Variants in TFAP2C observed in about 807,000 individuals in gnomAD.
TFAP2C encodes transcription factor AP-2 gamma, also known as activating enhancer-binding protein 2 gamma.
TFAP2C carries 9 observed loss-of-function variants against 42.9 expected under a neutral mutation model. That is an observed-to-expected ratio of 0.21 (90% CI 0.13 to 0.37). The LOEUF is 0.37. Ranked by LOEUF, TFAP2C falls within the 10% of genes least tolerant of loss-of-function variation. The pLI is 1.00. For synonymous variants in TFAP2C, 264 were observed against 256.0 expected (o/e 1.03, Z -0.30); for missense variants, 462 against 591.7 (o/e 0.78, Z 2.27).
Position 56,638,658 on chromosome 20 carries a change from C to CT in TFAP2C, c.*645_*646insT, listed in dbSNP as rs1600900688. ...GAAGCCTGCTGATTGATTTTTTTCT[C>CT]CTTTTTTTTTTTTTTTTTTTTTAAC... On this transcript the variant is annotated 3_prime_UTR_variant, in exon 7 of 7. Transcript: ENST00000201031. 1 of 136,478 alleles carries CT rather than the reference C, an allele frequency of 7.3e-6. No homozygotes were observed. The highest frequency in any genetic ancestry group is 2.3e-4 in the East Asian group (1 of 4,324). The allele number at this position is 136,478 out of a possible 1,614,324, so 8.5% of individuals were successfully genotyped here.
intron 5 of TFAP2C, among the ~76,000 whole-genome samples, chr20:56,636,157 A>G (rs1987579035): frequency 6.6e-6 from 1 of 152,140 alleles, no homozygotes; most frequent in African/African-American, 2.4e-5. Context: ...AATCCCTAGA[A>G]AGTTCTACCT....
At chr20:56,635,892 A>G (rs1987574395) in intron 5 of TFAP2C, among the ~76,000 whole-genome samples, 2 of 152,218 alleles carry the variant, frequency 1.3e-5, no homozygotes, top group African/African-American at 2.4e-5. Flanking sequence ...ACCTAATACT[A>G]TGTAAATGCT....
In TFAP2C at chr20:56,633,472, T is replaced by A; in HGVS notation, c.706T>A (p.Ser236Thr). 1 of 1,614,112 alleles carries A rather than the reference T, an allele frequency of 6.2e-7. No homozygotes were observed. Among genetic ancestry groups the A allele is most frequent in the Non-Finnish European group, 8.5e-7 (1 of 1,180,026 alleles). ...SVPGRLSLLS[S>T]TSKYKVTVAE... ...CCCTGGAAGATTGTCGCTCCTCAGC[T>A]CTACGTCTAAATACAAAGTGACAGT... Residue 236 changes from serine (S) to threonine (T), a missense_variant, in exon 4 of 7, where the codon TCT becomes ACT. Transcript: ENST00000201031.
rs748690958 is a variant in TFAP2C at position 56,634,258 on chromosome 20, C to T, written c.912C>T (p.Ser304=). 7 of 1,611,258 alleles carry T rather than the reference C, an allele frequency of 4.3e-6. No homozygotes were observed. In the South Asian group the frequency reaches 7.7e-5, roughly 18 times the overall value. The stretch of plus-strand genomic sequence containing the variant: ...CCGCTCATGTGACTCTCCTGACATC[C>T]TTAGTAGAAGGTCAGTGGGGTTTTG... The part of the protein sequence containing the change: ...RKAAHVTLLT[S]LVEGEAVHLA... The change falls in exon 5 of 7, where the codon TCC becomes TCT. Residue 304 remains serine, a synonymous_variant. Transcript: ENST00000201031.
At chr20:56,632,349 A>G (rs1251801161) in intron 3 of TFAP2C, among the ~76,000 whole-genome samples, 1 of 152,214 alleles carries the variant, frequency 6.6e-6, no homozygotes, top group African/African-American at 2.4e-5. Flanking sequence ...AATACCTGTA[A>G]AAGGAACAGA....
chr20:56,635,494 ATCCC>A (rs1207912598), intron 5 of TFAP2C, among the ~76,000 whole-genome samples: 2 of 152,096 alleles, frequency 1.3e-5, no homozygotes, highest in East Asian at 3.9e-4. Context: ...TAGGAGAAAC[ATCCC>A]TCCCATCTTT....
chr20:56,638,264 CTT>C lies in TFAP2C; in HGVS notation c.*261_*262del, dbSNP rs112295160. ...AAGTACTGGCTCTTTATTCATTAAG[CTT>C]TTTTTTTTTGAACCCCATTCTTTCC... On this transcript the variant is annotated 3_prime_UTR_variant, in exon 7 of 7. Transcript: ENST00000201031. 274 of 354,450 alleles carry C rather than the reference CTT, an allele frequency of 7.7e-4. No individual in the cohort carries two copies. Among genetic ancestry groups the C allele is most frequent in the South Asian group, 1.2e-3 (18 of 14,462 alleles). 22.0% of individuals were successfully genotyped at this position (354,450 alleles called of 1,614,324 possible). A position where few individuals can be genotyped will look rare whatever the true frequency, so the allele number is the denominator to read the frequency against.
rs766953569 is a variant in TFAP2C, at chr20:56,631,731, A to G, written c.534+41A>G. ...GCTCCTGACCGGACCTGTTCACCCTACGGCCTTCTGCCCCCACCCCGCACT... is the reference window on the plus strand; with the variant it reads ...GCTCCTGACCGGACCTGTTCACCCTGCGGCCTTCTGCCCCCACCCCGCACT... On this transcript the variant is annotated intron_variant, in intron 2 of 6. Transcript: ENST00000201031. This position sits in a 1 kb window ranked among gnomAD's most constrained non-coding sequence, Gnocchi z 6.1. 3.7e-6 allele frequency: 6 copies of G among 1,611,002 alleles called. No individual in the cohort carries two copies. In the Admixed American group the frequency reaches 8.4e-5, roughly 22 times the overall value.
At chr20:56,636,790 T>C in intron 6 of TFAP2C, 36 bp downstream of exon 6, 1 of 1,594,610 alleles carries the variant, frequency 6.3e-7, no homozygotes, top group Non-Finnish European at 8.5e-7. Flanking sequence ...GATGACTCAA[T>C]GCTCTAGACC....
rs531874315 is a variant in TFAP2C, at chr20:56,638,777, C to T, written c.*764C>T. On this transcript the variant is annotated 3_prime_UTR_variant, in exon 7 of 7. Coordinates refer to ENST00000201031, the MANE Select transcript of TFAP2C (RefSeq NM_003222.4). ...ATTTGCATATTTATTTCAGATGTTT[C>T]GAGTAAACTTGAAAAGGGTAGGCAC... 2 of 147,444 alleles carry T rather than the reference C, an allele frequency of 1.4e-5. No individual in the cohort carries two copies. Among genetic ancestry groups the T allele is most frequent in the East Asian group, 2.0e-4 (1 of 4,932 alleles). 9.1% of individuals were successfully genotyped at this position (147,444 alleles called of 1,614,324 possible).
rs759209423 is a variant in TFAP2C, at chr20:56,631,303, T to G, written c.147T>G (p.Thr49=). ...GCCCCGCGCCACCCCTCTCCCACAC[T>G]GGAGTCGCCGAATATCAGCCGCCAC... The part of the protein sequence containing the change: ...LYSPAPPLSH[T]GVAEYQPPPY... The change falls in exon 2 of 7, where the codon ACT becomes ACG. Residue 49 remains threonine, a synonymous_variant. Transcript: ENST00000201031. The surrounding 1 kb of genome is among the most constrained non-coding windows in gnomAD (Gnocchi z 6.1). 7.5e-6 allele frequency: 12 copies of G among 1,607,248 alleles called. No individual in the cohort carries two copies. The highest frequency in any genetic ancestry group is 1.6e-4 in the Middle Eastern group (1 of 6,066).
At position 56,629,684 on chromosome 20, in the gene TFAP2C, G is replaced by C; in HGVS notation, c.48+92G>C. ...ACCGAGGTCGGGGACGAGGGCATAG[G>C]AGCCCTGGCCTCTCGGTGGGACGGG... On this transcript the variant is annotated intron_variant, in intron 1 of 6. Transcript: ENST00000201031. This position sits in a 1 kb window ranked among gnomAD's most constrained non-coding sequence, Gnocchi z 5.9. 9.8e-7 allele frequency: 1 copy of C among 1,024,384 alleles called. No homozygotes were observed. The highest frequency in any genetic ancestry group is 1.3e-6 in the Non-Finnish European group (1 of 763,392). 63.5% of individuals were successfully genotyped at this position (1,024,384 alleles called of 1,614,324 possible). A position where few individuals can be genotyped will look rare whatever the true frequency, so the allele number is the denominator to read the frequency against.
intron 6 of TFAP2C, among the ~76,000 whole-genome samples, 171 bp from the exon 7 acceptor site, chr20:56,637,557 C>G (rs1042590644): frequency 6.6e-6 from 1 of 152,200 alleles, no homozygotes; most frequent in Admixed American, 6.5e-5. Context: ...CAGAGCCTGG[C>G]GCAGAATAGT....
chr20:56,637,921 A>G lies in TFAP2C; in HGVS notation c.1261A>G (p.Ile421Val). ...ALQNYIKEAL[I>V]VIDKSYMNPG... ...GCAGAACTACATCAAAGAAGCCCTG[A>G]TTGTCATAGACAAATCCTACATGAA... The change falls in exon 7 of 7, where the codon ATT becomes GTT. Residue 421 changes from isoleucine (I) to valine (V), a missense_variant. This residue lies in a region of TFAP2C where 130 missense variants were observed against 160.8 expected (regional missense o/e 0.81). Coordinates refer to ENST00000201031, the MANE Select transcript of TFAP2C (RefSeq NM_003222.4). The G allele has an allele frequency of 6.2e-7, 1 of 1,612,766 alleles. No individual in the cohort carries two copies. Among genetic ancestry groups the G allele is most frequent in the Non-Finnish European group, 8.5e-7 (1 of 1,178,718 alleles).
At chr20:56,633,143 G>A (rs903008643) in intron 3 of TFAP2C, among the ~76,000 whole-genome samples, 5 of 151,624 alleles carry the variant, frequency 3.3e-5, no homozygotes, top group Admixed American at 6.6e-5. Flanking sequence ...GCTGCAGTGA[G>A]CAGAGATCAC....
chr20:56,630,708 C>G lies in TFAP2C; in HGVS notation c.49-497C>G, dbSNP rs945700531. The G allele has an allele frequency of 1.0e-6, 1 of 985,344 alleles. No individual in the cohort carries two copies. Among genetic ancestry groups the G allele is most frequent in the Non-Finnish European group, 1.2e-6 (1 of 829,878 alleles). The allele number at this position is 985,344 out of a possible 1,614,324, so 61.0% of individuals were successfully genotyped here. On this transcript the variant is annotated intron_variant, in intron 1 of 6. Transcript: ENST00000201031. The surrounding 1 kb of genome is among the most constrained non-coding windows in gnomAD (Gnocchi z 5.1). ...CCCGAGGGCGTGGAAGGGAGGGTCC[C>G]GGGGGCGGGGGAGGTGCGCATTTCC...
rs1987474625 is a variant in TFAP2C at position 56,630,840 on chromosome 20, C to T, written c.49-365C>T. On this transcript the variant is annotated intron_variant, in intron 1 of 6. Coordinates refer to ENST00000201031, the MANE Select transcript of TFAP2C (RefSeq NM_003222.4). This position sits in a 1 kb window ranked among gnomAD's most constrained non-coding sequence, Gnocchi z 5.1. ...CTGCACCGGGCGTCCGGCTCCTTCG[C>T]CCCGGGCTCTGGCTCCTTCGCCCCG... 1 of 984,196 alleles carries T rather than the reference C, an allele frequency of 1.0e-6. No homozygotes were observed. Among genetic ancestry groups the T allele is most frequent in the Non-Finnish European group, 1.2e-6 (1 of 829,524 alleles). 61.0% of individuals were successfully genotyped at this position (984,196 alleles called of 1,614,324 possible).
intron 3 of TFAP2C, among the ~76,000 whole-genome samples, chr20:56,632,403 G>GGA (rs1253222919): frequency 6.6e-6 from 1 of 152,176 alleles, no homozygotes; most frequent in Non-Finnish European, 1.5e-5. Context: ...AGGATGGGGA[G>GGA]GAGGGGATTT....
rs1221857597 is a variant in TFAP2C at position 56,630,365 on chromosome 20, T to G, written c.48+773T>G. 4.4e-6 allele frequency: 2 copies of G among 459,702 alleles called. No individual in the cohort carries two copies. Among genetic ancestry groups the G allele is most frequent in the Non-Finnish European group, 9.0e-6 (2 of 222,658 alleles). 28.5% of individuals were successfully genotyped at this position (459,702 alleles called of 1,614,324 possible). On this transcript the variant is annotated intron_variant, in intron 1 of 6. Coordinates refer to ENST00000201031, the MANE Select transcript of TFAP2C (RefSeq NM_003222.4). The surrounding 1 kb of genome is among the most constrained non-coding windows in gnomAD (Gnocchi z 5.1). ...CCGCCAGGAGGCGACAGCGCCATGT[T>G]CCTCCAGGTTCCCGGCGCCCCGAGA...
Sources: gnomAD v4.1 joint callset for allele counts (sites outside exome capture counted in the v4.1 genomes callset) on GRCh38, gnomAD v4.1.1 for gene constraint, gnomAD v4.1.1 regional missense constraint, Gnocchi (gnomAD v3.1) non-coding constraint, MANE v1.5 for transcripts, NCBI Gene and HGNC (gene_info 2026-07-23, HGNC 2026-07-21) for gene names.